Variants in CCT7 observed in about 807,000 individuals in gnomAD.
CCT7 encodes the protein chaperonin containing TCP1 subunit 7.
In CCT7, 16 loss-of-function variants were observed where a neutral mutation model predicts 56.6. That is an observed-to-expected ratio of 0.28 (90% CI 0.19 to 0.43). The LOEUF is 0.43. CCT7 is among the 20% of genes least tolerant of loss of function. The probability of loss-of-function intolerance (pLI) is 1.00; values close to 1 mark genes in which losing one functional copy is unlikely to be tolerated. For missense variants in CCT7, 519 were observed against 685.6 expected (o/e 0.76, Z 2.71); for synonymous variants, 262 against 254.8 (o/e 1.03, Z -0.27).
At position 73,239,714 on chromosome 2, in the gene CCT7, C is replaced by T; in HGVS notation, c.78C>T (p.Ile26=). Residue 26 remains isoleucine, a synonymous_variant, in exon 2 of 12, where the codon ATC becomes ATT. Transcript: ENST00000258091. The stretch of plus-strand genomic sequence containing the variant: ...GCATCCCCCAGCTTGTGAGTAACAT[C>T]AGTGCCTGCCAGGTGATTGCTGAGG... ...SQGIPQLVSN[I]SACQVIAEAV... 2 of 1,613,948 alleles carry T rather than the reference C, an allele frequency of 1.2e-6. No individual in the cohort carries two copies. Among genetic ancestry groups the T allele is most frequent in the Non-Finnish European group, 1.7e-6 (2 of 1,179,804 alleles).
At chr2:73,238,610 A>G (rs913363480) in intron 1 of CCT7, among the ~76,000 whole-genome samples, 2 of 152,260 alleles carry the variant, frequency 1.3e-5, no homozygotes, top group Admixed American at 6.5e-5. Flanking sequence ...ATTTTTAATC[A>G]TAGCCTAGTA....
rs766425960 is a variant in CCT7 at position 73,247,875 on chromosome 2, C to G, written c.732C>G (p.Leu244=). Residue 244 remains leucine (L), a synonymous_variant, in exon 7 of 12, where the codon CTC becomes CTG. Coordinates refer to ENST00000258091, the MANE Select transcript of CCT7 (RefSeq NM_006429.4). The part of the protein sequence containing the change: ...NPKIALLNVE[L]ELKAEKDNAE... Reference sequence around the variant, plus strand: ...AGATTGCCCTTTTGAATGTCGAGCTCGAGTTGAAAGCTGAGAAAGACAATG... The same window carrying G: ...AGATTGCCCTTTTGAATGTCGAGCTGGAGTTGAAAGCTGAGAAAGACAATG... 6.2e-7 allele frequency: 1 copy of G among 1,613,926 alleles called. No individual in the cohort carries two copies. The highest frequency in any genetic ancestry group is 8.5e-7 in the Non-Finnish European group (1 of 1,180,012).
chr2:73,238,825 G>T (rs1403774488), intron 1 of CCT7, among the ~76,000 whole-genome samples: 1 of 152,186 alleles, frequency 6.6e-6, no homozygotes, highest in Non-Finnish European at 1.5e-5. Context: ...GTGGTCACTA[G>T]AGCAAAGATA....
rs1348783957 is a variant in CCT7 at position 73,244,043 on chromosome 2, A to C, written c.440A>C (p.Asp147Ala). Reference protein sequence around the residue: ...KEIAVTVKKADKVEQRKLLEK... With the variant: ...KEIAVTVKKAAKVEQRKLLEK... ...ATTGCTGTGACCGTGAAGAAGGCAGATAAAGTGTAAGTCTGTAGTGGGTTT... is the reference window on the plus strand; with the variant it reads ...ATTGCTGTGACCGTGAAGAAGGCAGCTAAAGTGTAAGTCTGTAGTGGGTTT... The change falls in exon 5 of 12, where the codon GAT becomes GCT. Residue 147 changes from aspartate (D) to alanine (A), a missense_variant. By Grantham distance (126) the Asp-to-Ala change is moderately radical. This residue lies in a region of CCT7 where 276 missense variants were observed against 357.3 expected (regional missense o/e 0.77). Transcript: ENST00000258091. 1.2e-6 allele frequency: 2 copies of C among 1,612,104 alleles called. No individual in the cohort carries two copies. The highest frequency in any genetic ancestry group is 3.3e-5 in the Admixed American group (2 of 59,916).
chr2:73,249,860 A>G lies in CCT7; in HGVS notation c.1014A>G (p.Ser338=). Residue 338 remains serine (S), a synonymous_variant, in exon 9 of 12, where the codon TCA becomes TCG. Coordinates refer to ENST00000258091, the MANE Select transcript of CCT7 (RefSeq NM_006429.4). The stretch of plus-strand genomic sequence containing the variant: ...TCCAGACCAGTGTGAATGCTCTGTC[A>G]GCAGATGTGCTGGGTCGATGCCAGG... ...GSIQTSVNAL[S]ADVLGRCQVF... The G allele has an allele frequency of 6.2e-7, 1 of 1,614,072 alleles. No homozygotes were observed. The highest frequency in any genetic ancestry group is 8.5e-7 in the Non-Finnish European group (1 of 1,179,896).
chr2:73,251,611 A>G (rs1687586230), intron 11 of CCT7, among the ~76,000 whole-genome samples, 179 bp downstream of exon 11: 1 of 152,222 alleles, frequency 6.6e-6, no homozygotes, highest in Non-Finnish European at 1.5e-5. Flanking sequence ...TGGTGCTAGC[A>G]CAGGAGATCC....
chr2:73,247,202 T>G (rs1377558022), intron 6 of CCT7, among the ~76,000 whole-genome samples: 2 of 152,182 alleles, frequency 1.3e-5, no homozygotes, highest in Non-Finnish European at 2.9e-5. Flanking sequence ...GGATTTCTGA[T>G]TCTTAAGACC....
Position 73,243,850 on chromosome 2 carries a change from T to A in CCT7, c.394-147T>A, listed in dbSNP as rs138196700. On this transcript the variant is annotated intron_variant, in intron 4 of 11. Coordinates refer to ENST00000258091, the MANE Select transcript of CCT7 (RefSeq NM_006429.4). ...AGAGTTTTACATTTTTCTGAGCAGT[T>A]ACAAGACCTAGAAGTGTTTTTTCAG... 92 of 694,198 alleles carry A rather than the reference T, an allele frequency of 1.3e-4. No homozygotes were observed. In the East Asian group the frequency reaches 2.2e-3, roughly 16 times the overall value. 43.0% of individuals were successfully genotyped at this position (694,198 alleles called of 1,614,324 possible). A position where few individuals can be genotyped will look rare whatever the true frequency, so the allele number is the denominator to read the frequency against.
intron 4 of CCT7, among the ~76,000 whole-genome samples, chr2:73,243,554 T>A (rs543712636): frequency 6.6e-6 from 1 of 152,328 alleles, no homozygotes; most frequent in East Asian, 1.9e-4. Context: ...GACATTAAAA[T>A]GAAATAATAT....
chr2:73,244,072 T>G (rs759297454), intron 5 of CCT7, 23 bp downstream of exon 5: 35 of 1,604,904 alleles, frequency 2.2e-5, no homozygotes, highest in African/African-American at 8.1e-5. Context: ...TGGGTTTTTT[T>G]TTTTTTTTTT....
intron 6 of CCT7, among the ~76,000 whole-genome samples, chr2:73,244,995 C>G (rs1687271890): frequency 6.6e-6 from 1 of 152,158 alleles, no homozygotes; most frequent in African/African-American, 2.4e-5. Flanking sequence ...GGTAGTAGGA[C>G]TAGCTCAAAT....
At chr2:73,244,484 A>G (rs942269853) in intron 5 of CCT7, 60 bp from the exon 6 acceptor site, 25 of 1,443,656 alleles carry the variant, frequency 1.7e-5, no homozygotes, top group Admixed American at 3.9e-5. Context: ...ACTGTAGTAG[A>G]ATCAGATAAG....
At chr2:73,242,891 G>T in intron 3 of CCT7, 113 bp from the exon 4 acceptor site, 1 of 1,296,364 alleles carries the variant, frequency 7.7e-7, no homozygotes, top group Non-Finnish European at 1.1e-6. Flanking sequence ...AAAAAAGCTT[G>T]ACATCCATTT....
chr2:73,243,038 C>T lies in CCT7; in HGVS notation c.302C>T (p.Ala101Val). 1 of 1,613,996 alleles carries T rather than the reference C, an allele frequency of 6.2e-7. No homozygotes were observed. Among genetic ancestry groups the T allele is most frequent in the Non-Finnish European group, 8.5e-7 (1 of 1,179,866 alleles). The change falls in exon 4 of 12, where the codon GCT becomes GTT. Residue 101 changes from alanine (A) to valine (V), a missense_variant. Around this residue, in one of 3 missense-constraint regions of CCT7, gnomAD observed 276 missense variants for 357.3 expected, o/e 0.77. Transcript: ENST00000258091. ...GGCACCACCTCAGTGACCTTGCTGG[C>T]TGCAGAGTTTCTGAAGCAGGTGAAA... ...GDGTTSVTLL[A>V]AEFLKQVKPY...
chr2:73,235,337 C>A (rs1686831138), intron 1 of CCT7, among the ~76,000 whole-genome samples: 1 of 152,154 alleles, frequency 6.6e-6, no homozygotes, highest in South Asian at 2.1e-4. Context: ...GACTGAGATA[C>A]TGCTTTCTGT....
At chr2:73,247,993 T>A in intron 7 of CCT7, 67 bp downstream of exon 7, 1 of 1,408,374 alleles carries the variant, frequency 7.1e-7, no homozygotes, top group Non-Finnish European at 1.0e-6. Flanking sequence ...GCCCTGGGTC[T>A]TCATGGCTAT....
chr2:73,234,458 T>C, intron 1 of CCT7, 74 bp downstream of exon 1: 5 of 1,551,536 alleles, frequency 3.2e-6, no homozygotes, highest in Non-Finnish European at 4.4e-6. Context: ...GGCCTGGGCT[T>C]GCTCTGTAGG....
chr2:73,242,929 G>C (rs532493932), intron 3 of CCT7, 75 bp from the exon 4 acceptor site: 10 of 1,562,766 alleles, frequency 6.4e-6, no homozygotes, highest in Non-Finnish European at 8.8e-6. Context: ...AATGGGTAGC[G>C]TGCCTAAAAA....
intron 11 of CCT7, among the ~76,000 whole-genome samples, chr2:73,252,318 T>C (rs1446445170): frequency 7.5e-6 from 1 of 133,548 alleles, no homozygotes; most frequent in Non-Finnish European, 1.6e-5. Flanking sequence ...TGAGAACTCA[T>C]TGTTTGATAT....
Sources: gnomAD v4.1 joint callset for allele counts (sites outside exome capture counted in the v4.1 genomes callset) on GRCh38, gnomAD v4.1.1 for gene constraint, gnomAD v4.1.1 regional missense constraint, MANE v1.5 for transcripts, NCBI Gene and HGNC (gene_info 2026-07-23, HGNC 2026-07-21) for gene names.